STAG1: variants seen among roughly 807,000 people sequenced by gnomAD.
STAG1 encodes cohesin subunit SA-1.
STAG1 carries 26 observed loss-of-function variants against 170.9 expected under a neutral mutation model. The observed-to-expected ratio is 0.15, with a 90% confidence interval of 0.11 to 0.21. The LOEUF (loss-of-function observed/expected upper bound fraction) is 0.21. STAG1 is among the 10% of genes least tolerant of loss of function. The probability of loss-of-function intolerance (pLI) is 1.00; values close to 1 mark genes in which losing one functional copy is unlikely to be tolerated. For synonymous variants in STAG1, 514 were observed against 497.7 expected, an observed-to-expected ratio of 1.03 and a Z score of -0.44; for missense variants, 964 against 1,509.5, an observed-to-expected ratio of 0.64 and a Z score of 5.99.
chr3:136,612,731 CA>C (rs567649929), intron 3 of STAG1, among the ~76,000 whole-genome samples: 6 of 152,166 alleles, frequency 3.9e-5, no homozygotes, highest in Admixed American at 3.3e-4. Flanking sequence ...ATAGGTCATT[CA>C]AAAAAATTGT....
At chr3:136,573,621 A>G (rs1240346356) in intron 4 of STAG1, among the ~76,000 whole-genome samples, 1 of 152,140 alleles carries the variant, frequency 6.6e-6, no homozygotes, top group Non-Finnish European at 1.5e-5. Context: ...TAAAAAACTA[A>G]AACAAAAAAT....
At chr3:136,561,284 GT>G (rs1936829497) in intron 5 of STAG1, among the ~76,000 whole-genome samples, 2 of 152,160 alleles carry the variant, frequency 1.3e-5, no homozygotes, top group Non-Finnish European at 1.5e-5. Context: ...TTTTGAGTCA[GT>G]TAATTGTGAG....
chr3:136,407,309 G>A (rs1391127287), intron 21 of STAG1, among the ~76,000 whole-genome samples: 3 of 152,214 alleles, frequency 2.0e-5, no homozygotes, highest in East Asian at 1.9e-4. Context: ...ACAGGCGTAA[G>A]CCACTGTGCC....
At chr3:136,426,731 G>A (rs909144355) in intron 16 of STAG1, among the ~76,000 whole-genome samples, 2 of 152,100 alleles carry the variant, frequency 1.3e-5, no homozygotes, top group African/African-American at 4.8e-5. Flanking sequence ...TAGACATCAG[G>A]AGTTCAAGAG....
At chr3:136,570,179 A>G (rs1937217198) in intron 4 of STAG1, among the ~76,000 whole-genome samples, 1 of 152,214 alleles carries the variant, frequency 6.6e-6, no homozygotes, top group Admixed American at 6.5e-5. Flanking sequence ...TTCCACAACT[A>G]AAACAGGCTC....
chr3:136,370,812 A>T (rs1276745243), intron 23 of STAG1, among the ~76,000 whole-genome samples: 2 of 152,212 alleles, frequency 1.3e-5, no homozygotes, highest in African/African-American at 4.8e-5. Flanking sequence ...ATAGTGCCGC[A>T]ATAAACATAC....
intron 22 of STAG1, among the ~76,000 whole-genome samples, chr3:136,391,918 C>A (rs185339918): frequency 1.7e-4 from 26 of 152,278 alleles, no homozygotes; most frequent in African/African-American, 6.0e-4. Context: ...AGTGCACTTC[C>A]ATTTCAAATA....
In STAG1 at chr3:136,422,734, T is replaced by C. The variant is rs769769477; in HGVS notation, c.1833+34A>G. 5.8e-6 allele frequency: 9 copies of C among 1,546,192 alleles called. 1 individual carries two copies. Among genetic ancestry groups the C allele is most frequent in the Admixed American group, 3.9e-5 (2 of 51,632 alleles). The stretch of plus-strand genomic sequence containing the variant: ...GAAAATAATTCAGTTAATAAAACTA[T>C]AACAGCTGAATTTCAATTTCATAAT... On this transcript the variant is annotated intron_variant, in intron 18 of 33. Coordinates refer to ENST00000383202, the MANE Select transcript of STAG1 (RefSeq NM_005862.3).
intron 1 of STAG1, among the ~76,000 whole-genome samples, chr3:136,674,488 G>A (rs1212802745): frequency 6.6e-6 from 1 of 152,162 alleles, no homozygotes; most frequent in Admixed American, 6.6e-5. Flanking sequence ...GTGGTTGCCT[G>A]AGAGCAGTGG....
Position 136,596,898 on chromosome 3 carries a change from C to T in STAG1, c.297+7411G>A, listed in dbSNP as rs568355400. The stretch of plus-strand genomic sequence containing the variant: ...GACCAGCTTGGCCAACATAGGGAAA[C>T]CTTGTCTCTACTAAAAATACAAAAA... On this transcript the variant is annotated intron_variant, in intron 4 of 33. Transcript: ENST00000383202. Among the ~76,000 whole-genome samples, 12 of 152,160 alleles carry T rather than the reference C, an allele frequency of 7.9e-5. No individual in the cohort carries two copies. The South Asian group carries it at 2.5e-3, about 32-fold the overall frequency.
Position 136,337,441 on chromosome 3 carries a change from T to G in STAG1, c.*813A>C, listed in dbSNP as rs1935730173. On this transcript the variant is annotated 3_prime_UTR_variant, in exon 34 of 34. Coordinates refer to ENST00000383202, the MANE Select transcript of STAG1 (RefSeq NM_005862.3). ...TACTTTATTTGCTGGTAGAAGTTGC[T>G]AAAAATGCACAGAACAAATACCAAT... 1 of 152,634 alleles carries G rather than the reference T, an allele frequency of 6.6e-6. No homozygotes were observed. Among genetic ancestry groups the G allele is most frequent in the African/African-American group, 2.4e-5 (1 of 41,448 alleles). The allele number at this position is 152,634 out of a possible 1,614,324, so 9.5% of individuals were successfully genotyped here. A position where few individuals can be genotyped will look rare whatever the true frequency, so the allele number is the denominator to read the frequency against.
intron 7 of STAG1, among the ~76,000 whole-genome samples, chr3:136,512,234 A>T (rs893228487): frequency 6.6e-6 from 1 of 151,742 alleles, no homozygotes; most frequent in African/African-American, 2.4e-5. Context: ...TTAGCCCAGG[A>T]GGTTGAGGCT....
chr3:136,419,592 G>C (rs1282765374), intron 20 of STAG1, among the ~76,000 whole-genome samples: 2 of 149,916 alleles, frequency 1.3e-5, no homozygotes, highest in East Asian at 3.9e-4. Flanking sequence ...ATACAGGCGT[G>C]TGCCACCATG....
At chr3:136,610,421 A>T (rs1333489209) in intron 3 of STAG1, among the ~76,000 whole-genome samples, 1 of 152,204 alleles carries the variant, frequency 6.6e-6, no homozygotes, top group African/African-American at 2.4e-5. Flanking sequence ...GTGCACTCTA[A>T]CATCTTTGGT....
At chr3:136,534,030 C>T (rs74648298) in intron 6 of STAG1, among the ~76,000 whole-genome samples, 9,552 of 152,166 alleles carry the variant, frequency 0.063, 386 homozygotes, top group Non-Finnish European at 0.087. Flanking sequence ...TATTCGCCAA[C>T]AGAACAAAGT....
At chr3:136,372,813 T>C (rs1937416886) in intron 23 of STAG1, among the ~76,000 whole-genome samples, 2 of 152,214 alleles carry the variant, frequency 1.3e-5, no homozygotes, top group Non-Finnish European at 2.9e-5. Context: ...AATTCTCTTT[T>C]TTTGTTGTGT....
At chr3:136,475,649 T>C (rs141936838) in intron 10 of STAG1, among the ~76,000 whole-genome samples, 1 of 152,272 alleles carries the variant, frequency 6.6e-6, no homozygotes, top group Non-Finnish European at 1.5e-5. Flanking sequence ...GTAGATGAAG[T>C]CTTGATAGTT....
At chr3:136,376,824 C>A (rs954279192) in intron 23 of STAG1, among the ~76,000 whole-genome samples, 1 of 151,754 alleles carries the variant, frequency 6.6e-6, no homozygotes, top group African/African-American at 2.4e-5. Context: ...GAGTTTTGCT[C>A]TTTCTGCCCA....
At chr3:136,745,303 A>C (rs865836780) in intron 1 of STAG1, among the ~76,000 whole-genome samples, 1 of 152,228 alleles carries the variant, frequency 6.6e-6, no homozygotes. Flanking sequence ...ATGGACTCAC[A>C]AAATTAAAAA....
Sources: gnomAD v4.1 joint callset for allele counts (sites outside exome capture counted in the v4.1 genomes callset) on GRCh38, gnomAD v4.1.1 for gene constraint, MANE v1.5 for transcripts, NCBI Gene and HGNC (gene_info 2026-07-23, HGNC 2026-07-21) for gene names.